The following BCAS3 variants were observed in gnomAD, a reference collection of about 807,000 sequenced individuals.
The protein encoded by BCAS3 is BCAS3 microtubule associated cell migration factor, also known as BCAS4/BCAS3 fusion.
In BCAS3, 53 loss-of-function variants were observed where a neutral mutation model predicts 116.1. The ratio of observed to expected loss-of-function variants is 0.46; its 90% confidence interval spans 0.37 to 0.57. The LOEUF is 0.57. Ranked by LOEUF, BCAS3 falls within the 20% of genes least tolerant of loss-of-function variation. The pLI is 0.00. For missense variants in BCAS3, 917 were observed against 1,165.4 expected (o/e 0.79, Z 3.10); for synonymous variants, 391 against 408.2 (o/e 0.96, Z 0.51).
chr17:60,815,169 T>TC (rs1774182771), intron 7 of BCAS3, among the ~76,000 whole-genome samples: 1 of 152,080 alleles, frequency 6.6e-6, no homozygotes. Flanking sequence ...CTGGAAACCA[T>TC]CATTCTCAGC....
intron 23 of BCAS3, among the ~76,000 whole-genome samples, chr17:61,385,477 C>T (rs915652661): frequency 6.6e-6 from 1 of 152,362 alleles, no homozygotes; most frequent in Middle Eastern, 3.4e-3. Context: ...CGCTGGTCTC[C>T]TCTTCACATG....
chr17:61,170,541 C>T (rs1426293322), intron 22 of BCAS3, among the ~76,000 whole-genome samples: 5 of 152,184 alleles, frequency 3.3e-5, no homozygotes, highest in Admixed American at 2.6e-4. Flanking sequence ...ATCTGCCTGC[C>T]TTGGCCTCCC....
intron 4 of BCAS3, among the ~76,000 whole-genome samples, chr17:60,699,387 G>T (rs1346845354): frequency 6.6e-6 from 1 of 151,890 alleles, no homozygotes; most frequent in East Asian, 1.9e-4. Flanking sequence ...GCTAATTTTT[G>T]TATTTTTAGT....
At chr17:60,713,045 C>G (rs1406269965) in intron 5 of BCAS3, among the ~76,000 whole-genome samples, 1 of 152,094 alleles carries the variant, frequency 6.6e-6, no homozygotes, top group Non-Finnish European at 1.5e-5. Flanking sequence ...GAAGAAATTT[C>G]AGAAAGGGGA....
At chr17:60,978,042 G>C (rs1181316487) in intron 14 of BCAS3, among the ~76,000 whole-genome samples, 18 of 134,066 alleles carry the variant, frequency 1.3e-4, no homozygotes, top group African/African-American at 5.2e-4. Context: ...GGGTCAAATG[G>C]TATTTCTAGT....
Position 60,817,235 on chromosome 17 carries a change from C to T in BCAS3, c.476+9159C>T, listed in dbSNP as rs149798498. Among the ~76,000 whole-genome samples the T allele has an allele frequency of 4.9e-4, 75 of 152,234 alleles. No homozygotes were observed. The East Asian group carries it at 0.013, about 25-fold the overall frequency. On this transcript the variant is annotated intron_variant, in intron 7 of 23. Transcript: ENST00000407086. ...AATAATTCCAGATAAGTCATTTAAG[C>T]TCTTGGAAAGGGATAATGTTTATTG...
At chr17:61,246,477 A>AC (rs1555793235) in intron 22 of BCAS3, among the ~76,000 whole-genome samples, 1 of 146,718 alleles carries the variant, frequency 6.8e-6, no homozygotes, top group East Asian at 1.9e-4. Flanking sequence ...CTCAGAAAAA[A>AC]AAAAAAAAAA....
intron 9 of BCAS3, among the ~76,000 whole-genome samples, chr17:60,878,022 T>A (rs1030528414): frequency 2.0e-4 from 31 of 151,500 alleles, no homozygotes; most frequent in South Asian, 8.3e-4. Flanking sequence ...TCTTTTTTTT[T>A]TTTTTGAGAT....
chr17:60,796,935 G>A (rs1009719085), intron 6 of BCAS3, among the ~76,000 whole-genome samples: 8 of 152,028 alleles, frequency 5.3e-5, no homozygotes, highest in South Asian at 2.1e-4. Context: ...AGACAGAGTC[G>A]CGCTCTGTTT....
intron 6 of BCAS3, among the ~76,000 whole-genome samples, chr17:60,782,371 A>G (rs1177010578): frequency 6.6e-6 from 1 of 152,096 alleles, no homozygotes; most frequent in Non-Finnish European, 1.5e-5. Flanking sequence ...TGCTTGAGGT[A>G]GGTAGCATCT....
chr17:60,896,886 C>T (rs940371301), intron 10 of BCAS3, among the ~76,000 whole-genome samples: 3 of 151,930 alleles, frequency 2.0e-5, no homozygotes, highest in Admixed American at 6.6e-5. Context: ...CTGGTTATTT[C>T]GTATATTTTT....
At chr17:60,974,471 C>T (rs2062171950) in intron 14 of BCAS3, among the ~76,000 whole-genome samples, 1 of 152,226 alleles carries the variant, frequency 6.6e-6, no homozygotes, top group South Asian at 2.1e-4. Context: ...CCAAATATTA[C>T]AGTTTTGAAT....
intron 6 of BCAS3, among the ~76,000 whole-genome samples, chr17:60,768,284 G>A (rs1046069686): frequency 1.3e-5 from 2 of 152,152 alleles, no homozygotes; most frequent in African/African-American, 4.8e-5. Flanking sequence ...TGTCTGGGAG[G>A]GTGTTGCCAA....
Position 61,220,561 on chromosome 17 carries a change from C to T in BCAS3, c.2425+135997C>T, listed in dbSNP as rs1185990092. On this transcript the variant is annotated intron_variant, in intron 22 of 23. Transcript: ENST00000407086. The surrounding 1 kb of genome is among the most constrained non-coding windows in gnomAD (Gnocchi z 4.5). ...ATGGATATCCACTCCACCTGGAATTCTCTTTGCTAAAACAATGAGGTAGTT... is the reference window on the plus strand; with the variant it reads ...ATGGATATCCACTCCACCTGGAATTTTCTTTGCTAAAACAATGAGGTAGTT... Among the ~76,000 whole-genome samples, 1 of 152,160 alleles carries T rather than the reference C, an allele frequency of 6.6e-6. No homozygotes were observed. The highest frequency in any genetic ancestry group is 1.5e-5 in the Non-Finnish European group (1 of 68,036).
intron 22 of BCAS3, among the ~76,000 whole-genome samples, chr17:61,234,994 T>C (rs2082921457): frequency 1.3e-5 from 2 of 152,116 alleles, no homozygotes; most frequent in Admixed American, 1.3e-4. Context: ...TTCAAGCAAT[T>C]CTCCTTCCTC....
intron 7 of BCAS3, chr17:60,811,431 A>T: frequency 1.7e-6 from 1 of 605,932 alleles, no homozygotes; most frequent in Middle Eastern, 4.1e-4. Context: ...GTGGTGTCTG[A>T]GACCAGCGAC....
chr17:60,709,054 A>G (rs1349991270), intron 4 of BCAS3, among the ~76,000 whole-genome samples, 165 bp from the exon 5 acceptor site: 1 of 152,222 alleles, frequency 6.6e-6, no homozygotes, highest in Non-Finnish European at 1.5e-5. Flanking sequence ...ATAAGGAAAT[A>G]GATAGCCAGG....
intron 6 of BCAS3, among the ~76,000 whole-genome samples, chr17:60,794,079 G>C (rs1279595221): frequency 6.6e-6 from 1 of 152,058 alleles, no homozygotes; most frequent in Non-Finnish European, 1.5e-5. Flanking sequence ...ACTGTTTTTT[G>C]ATTTTTTGAT....
chr17:61,086,700 C>G, intron 22 of BCAS3: 6 of 985,214 alleles, frequency 6.1e-6, no homozygotes, highest in Non-Finnish European at 7.2e-6. Flanking sequence ...TTTTTCTAGG[C>G]CTGTTTTCAT....
Sources: allele counts gnomAD v4.1 joint callset (sites outside exome capture counted in the v4.1 genomes callset), GRCh38; gene constraint gnomAD v4.1.1; non-coding constraint Gnocchi (gnomAD v3.1); transcripts MANE v1.5; gene names NCBI Gene and HGNC (gene_info 2026-07-23, HGNC 2026-07-21).